The following IQGAP2 variants were observed in gnomAD, a reference collection of about 807,000 sequenced individuals.
IQGAP2 encodes the protein ras GTPase-activating-like protein IQGAP2.
Under a neutral mutation model 201.3 loss-of-function variants are expected in IQGAP2, and 173 were observed. The observed-to-expected ratio is 0.86, with a 90% CI of 0.76 to 0.98. IQGAP2 has a LOEUF of 0.98. Ranked by LOEUF, IQGAP2 falls within the 50% of genes least tolerant of loss-of-function variation. The pLI is 0.00. For synonymous variants in IQGAP2, 675 were observed against 673.9 expected, an observed-to-expected ratio of 1.00 and a Z score of -0.03; for missense variants, 1,687 against 1,864.8, an observed-to-expected ratio of 0.90 and a Z score of 1.76.
At chr5:76,461,719 T>C in intron 2 of IQGAP2, 50 bp downstream of exon 2, 1 of 1,343,792 alleles carries the variant, frequency 7.4e-7, no homozygotes, top group Non-Finnish European at 1.1e-6. Flanking sequence ...GAGATAAGCT[T>C]TGTGATAAGG....
At chr5:76,551,135 G>A (rs1299949570) in intron 2 of IQGAP2, among the ~76,000 whole-genome samples, 8 of 149,780 alleles carry the variant, frequency 5.3e-5, no homozygotes, top group East Asian at 2.0e-4. Context: ...CAGATGGGGC[G>A]GCCGGGCAGA....
chr5:76,579,125 C>A (rs192251434), intron 5 of IQGAP2, among the ~76,000 whole-genome samples: 26 of 152,104 alleles, frequency 1.7e-4, no homozygotes, highest in Admixed American at 1.4e-3. Context: ...AGGTGAAATG[C>A]CCAGGTACGT....
intron 32 of IQGAP2, among the ~76,000 whole-genome samples, chr5:76,695,881 C>T (rs963681336): frequency 9.2e-5 from 11 of 119,526 alleles, no homozygotes; most frequent in Non-Finnish European, 1.3e-4. Context: ...CGCTCTGTTG[C>T]CCAGGCTGGA....
intron 1 of IQGAP2, among the ~76,000 whole-genome samples, chr5:76,443,633 T>G (rs561267705): frequency 1.3e-5 from 2 of 152,030 alleles, no homozygotes; most frequent in Non-Finnish European, 2.9e-5. Context: ...AATAAAGCCG[T>G]CTCTCTAGCC....
At chr5:76,458,600 T>C (rs1754234012) in intron 1 of IQGAP2, among the ~76,000 whole-genome samples, 1 of 152,160 alleles carries the variant, frequency 6.6e-6, no homozygotes, top group African/African-American at 2.4e-5. Context: ...AGAAAGTCAG[T>C]GGGCCAGGCA....
intron 1 of IQGAP2, among the ~76,000 whole-genome samples, chr5:76,433,946 A>G (rs924878812): frequency 6.6e-6 from 1 of 152,216 alleles, no homozygotes; most frequent in African/African-American, 2.4e-5. Context: ...TATAAAACAA[A>G]CTAGCTCTTA....
chr5:76,570,025 G>T (rs1745004628), intron 3 of IQGAP2, among the ~76,000 whole-genome samples: 3 of 152,178 alleles, frequency 2.0e-5, no homozygotes, highest in Non-Finnish European at 4.4e-5. Context: ...GCCAAGATCA[G>T]GGTTAAATTA....
intron 1 of IQGAP2, among the ~76,000 whole-genome samples, chr5:76,414,320 T>A (rs1289960113): frequency 1.3e-5 from 2 of 151,912 alleles, no homozygotes; most frequent in Non-Finnish European, 2.9e-5. Flanking sequence ...GAAATATGAC[T>A]CCCCATTCAC....
At chr5:76,695,242 A>C (rs1746618006) in intron 31 of IQGAP2, among the ~76,000 whole-genome samples, 1 of 152,182 alleles carries the variant, frequency 6.6e-6, no homozygotes, top group Non-Finnish European at 1.5e-5. Context: ...AGCTATTGAG[A>C]ATTTTTCCCA....
rs567519853 is a variant in IQGAP2 at position 76,414,155 on chromosome 5, A to G, written c.46+10564A>G. Among the ~76,000 whole-genome samples the G allele has an allele frequency of 2.5e-3, 383 of 152,296 alleles. 1 individual carries two copies. Among genetic ancestry groups the G allele is most frequent in the Non-Finnish European group, 3.8e-3 (259 of 68,002 alleles). On this transcript the variant is annotated intron_variant, in intron 1 of 35. Coordinates refer to ENST00000274364, the MANE Select transcript of IQGAP2 (RefSeq NM_006633.5). ...GAAGATGTTTGCTAGTAACCCCTCTATTATTCCTCACCTCCCCAAAAGGGG... is the reference window on the plus strand; with the variant it reads ...GAAGATGTTTGCTAGTAACCCCTCTGTTATTCCTCACCTCCCCAAAAGGGG...
At chr5:76,516,924 C>T (rs1025516714) in intron 2 of IQGAP2, among the ~76,000 whole-genome samples, 2 of 152,126 alleles carry the variant, frequency 1.3e-5, no homozygotes, top group African/African-American at 4.8e-5. Context: ...GATAAAGACA[C>T]TCCATTTGTA....
At chr5:76,667,877 C>CTTTTTTTTTTTTTT (rs540744402) in intron 22 of IQGAP2, among the ~76,000 whole-genome samples, 9 of 123,422 alleles carry the variant, frequency 7.3e-5, no homozygotes, top group African/African-American at 2.5e-4. Context: ...AGTCCACTTT[C>CTTTTTTTTTTTTTT]TTTTTTTTTT....
intron 5 of IQGAP2, among the ~76,000 whole-genome samples, 190 bp downstream of exon 5, chr5:76,575,959 T>C (rs754203563): frequency 6.6e-6 from 1 of 152,168 alleles, no homozygotes. Flanking sequence ...ACTTGAAAAA[T>C]GTTTTTCTGA....
intron 13 of IQGAP2, chr5:76,623,074 TTG>T: frequency 8.7e-7 from 1 of 1,150,164 alleles, no homozygotes; most frequent in East Asian, 2.3e-5. Flanking sequence ...GGTTTACAGT[TTG>T]TGTGAGATGC....
At chr5:76,642,130 A>G (rs1319874648) in intron 17 of IQGAP2, among the ~76,000 whole-genome samples, 1 of 152,226 alleles carries the variant, frequency 6.6e-6, no homozygotes, top group Admixed American at 6.5e-5. Context: ...TTAAACAAAT[A>G]GTAGGCAAAA....
At chr5:76,561,208 AAAACT>A (rs1744340417) in intron 2 of IQGAP2, among the ~76,000 whole-genome samples, 1 of 152,226 alleles carries the variant, frequency 6.6e-6, no homozygotes, top group African/African-American at 2.4e-5. Context: ...TCAAGTAACT[AAAACT>A]GCAGAAAGTG....
intron 10 of IQGAP2, among the ~76,000 whole-genome samples, chr5:76,598,298 A>G (rs1346015091): frequency 6.6e-6 from 1 of 152,214 alleles, no homozygotes; most frequent in Non-Finnish European, 1.5e-5. Context: ...TCAACATAAA[A>G]TGTTAAATAT....
intron 2 of IQGAP2, among the ~76,000 whole-genome samples, chr5:76,462,217 C>T (rs1382214668): frequency 6.6e-6 from 1 of 152,118 alleles, no homozygotes; most frequent in Non-Finnish European, 1.5e-5. Context: ...TTCCTTTTTC[C>T]GCAGAGCTTC....
intron 35 of IQGAP2, among the ~76,000 whole-genome samples, chr5:76,703,173 T>C (rs953463082): frequency 6.6e-6 from 1 of 150,886 alleles, no homozygotes; most frequent in African/African-American, 2.4e-5. Flanking sequence ...GGGGGGGCAT[T>C]GAGAAAGGGT....
Sources: allele counts gnomAD v4.1 joint callset (sites outside exome capture counted in the v4.1 genomes callset), GRCh38; gene constraint gnomAD v4.1.1; transcripts MANE v1.5; gene names NCBI Gene and HGNC (gene_info 2026-07-23, HGNC 2026-07-21).